The following ZNFX1 variants were observed in gnomAD, a reference collection of about 807,000 sequenced individuals.
The protein encoded by ZNFX1 is zinc finger NFX1-type containing 1, also known as NFX1-type zinc finger-containing protein 1.
Under a neutral mutation model 179.8 loss-of-function variants are expected in ZNFX1, and 78 were observed. That is an observed-to-expected ratio of 0.43 (90% CI 0.36 to 0.52). ZNFX1 has a LOEUF of 0.52. ZNFX1 is among the 20% of genes least tolerant of loss of function. The pLI is 0.00. For synonymous variants in ZNFX1, 848 were observed against 868.5 expected, an observed-to-expected ratio of 0.98 and a Z score of 0.42; for missense variants, 1,927 against 2,386.6, an observed-to-expected ratio of 0.81 and a Z score of 4.01.
In ZNFX1 at chr20:49,270,159, C is replaced by A. The variant is rs139084450; in HGVS notation, c.1653G>T (p.Met551Ile). The A allele has an allele frequency of 5.0e-6, 8 of 1,613,980 alleles. No homozygotes were observed. The highest frequency in any genetic ancestry group is 3.3e-5 in the Admixed American group (2 of 60,000). Reference protein sequence around the residue: ...SHVKEPRYLLMGGRYDFTPLI... With the variant: ...SHVKEPRYLLIGGRYDFTPLI... ...AGGGGGTAAAGTCGTATCTGCCCCC[C>A]ATTAGCAAGTACCTTGGCTCCTTCA... The change falls in exon 3 of 14, where the codon ATG becomes ATT. Residue 551 changes from methionine (M) to isoleucine (I), a missense_variant. Met to Ile is a conservative substitution (Grantham distance 10). Coordinates refer to ENST00000396105, the MANE Select transcript of ZNFX1 (RefSeq NM_021035.3). The surrounding 1 kb of genome is among the most constrained non-coding windows in gnomAD (Gnocchi z 4.6).
At position 49,264,783 on chromosome 20, in the gene ZNFX1, C is replaced by T; in HGVS notation, c.2084G>A (p.Arg695Lys). The T allele has an allele frequency of 6.2e-7, 1 of 1,614,184 alleles. No homozygotes were observed. The highest frequency in any genetic ancestry group is 8.5e-7 in the Non-Finnish European group (1 of 1,180,020). Residue 695 changes from arginine (R) to lysine (K), a missense_variant, in exon 5 of 14, where the codon AGG becomes AAG. Transcript: ENST00000396105. ...NSEILKQFTLRELRNKREFRR... is the reference protein window; with the variant it reads ...NSEILKQFTLKELRNKREFRR... ...GAATTCCCGCTTGTTCCTCAGCTCC[C>T]TTAGGGTGAACTGCTTCAGGATTTC...
intron 2 of ZNFX1, among the ~76,000 whole-genome samples, chr20:49,273,422 G>A (rs1005890634): frequency 6.6e-6 from 1 of 151,920 alleles, no homozygotes; most frequent in Non-Finnish European, 1.5e-5. Context: ...GTCAGCCACC[G>A]TGCCCAGCCG....
At chr20:49,258,133 T>G (rs528099686) in intron 7 of ZNFX1, among the ~76,000 whole-genome samples, 10 of 149,798 alleles carry the variant, frequency 6.7e-5, no homozygotes, top group Non-Finnish European at 1.2e-4. Context: ...GTTTCACTCG[T>G]TGCCCAGGCT....
intron 1 of ZNFX1, among the ~76,000 whole-genome samples, chr20:49,277,094 G>GT (rs200297511): frequency 8.6e-5 from 13 of 150,968 alleles, no homozygotes; most frequent in East Asian, 3.9e-4. Flanking sequence ...AGACTGAAGT[G>GT]TTTTTTTTTG....
chr20:49,273,125 ATTTTATT>A (rs1251960283), intron 2 of ZNFX1, among the ~76,000 whole-genome samples: 71 of 152,156 alleles, frequency 4.7e-4, no homozygotes, highest in East Asian at 3.1e-3. Flanking sequence ...TTTGTAGAGA[ATTTTATT>A]TTTTATTTTT....
At chr20:49,276,028 G>A (rs1981548087) in intron 1 of ZNFX1, 141 bp from the exon 2 acceptor site, 4 of 577,506 alleles carry the variant, frequency 6.9e-6, no homozygotes, top group Non-Finnish European at 1.2e-5. Context: ...TTAATCTAGA[G>A]CACAAGTGCT....
intron 3 of ZNFX1, among the ~76,000 whole-genome samples, chr20:49,266,500 C>T (rs238179): frequency 0.68 from 104,036 of 151,934 alleles, 36,561 homozygotes; most frequent in Non-Finnish European, 0.78. Flanking sequence ...AGTATATCCA[C>T]GCATATACAA....
chr20:49,275,836 C>T lies in ZNFX1; in HGVS notation c.4G>A (p.Glu2Lys). 6.2e-7 allele frequency: 1 copy of T among 1,614,168 alleles called. No individual in the cohort carries two copies. The highest frequency in any genetic ancestry group is 8.5e-7 in the Non-Finnish European group (1 of 1,180,002). M[E>K]ERRPHLDARP... The stretch of plus-strand genomic sequence containing the variant: ...GCATCCAGATGAGGTCTTCTCTCCT[C>T]CATGTCTGAGTCACCTGAATTCCTT... Residue 2 changes from glutamate to lysine, a missense_variant, in exon 2 of 14, where the codon GAG becomes AAG. Glu to Lys is a moderately conservative substitution (Grantham distance 56, BLOSUM62 1). Transcript: ENST00000396105.
chr20:49,257,740 T>C (rs1981006722), intron 7 of ZNFX1, 76 bp from the exon 8 acceptor site: 28 of 1,477,078 alleles, frequency 1.9e-5, no homozygotes, highest in Non-Finnish European at 2.5e-5. Flanking sequence ...CTCGCTCTTT[T>C]GCCCAGGGTG....
chr20:49,248,191 T>C lies in ZNFX1; in HGVS notation c.4833A>G (p.Glu1611=). 2.5e-6 allele frequency: 4 copies of C among 1,614,198 alleles called. No individual in the cohort carries two copies. The Middle Eastern group carries it at 4.9e-4, about 200-fold the overall frequency. The part of the protein sequence containing the change: ...DRYMNEQKDD[E]VAIRLKVCPI... ...GGCAGACTTTCAATCTGATGGCGAC[T>C]TCATCATCCTTCTGTTCATTCATGT... Residue 1611 remains glutamate, a synonymous_variant, in exon 14 of 14, where the codon GAA becomes GAG. Coordinates refer to ENST00000396105, the MANE Select transcript of ZNFX1 (RefSeq NM_021035.3). This position sits in a 1 kb window ranked among gnomAD's most constrained non-coding sequence, Gnocchi z 4.6.
intron 13 of ZNFX1, among the ~76,000 whole-genome samples, chr20:49,250,692 C>T (rs1454647649): frequency 6.6e-6 from 1 of 152,238 alleles, no homozygotes; most frequent in East Asian, 1.9e-4. Flanking sequence ...GCTGGGATTA[C>T]AGGCGCCCAC....
intron 2 of ZNFX1, among the ~76,000 whole-genome samples, chr20:49,273,619 G>GT (rs1456203254): frequency 2.6e-5 from 4 of 151,970 alleles, no homozygotes; most frequent in Non-Finnish European, 5.9e-5. Context: ...ATGGAAAATC[G>GT]TATCATTTCT....
rs767570472 is a variant in ZNFX1 at position 49,260,585 on chromosome 20, A to G, written c.2302-8T>C. 2 of 1,579,288 alleles carry G rather than the reference A, an allele frequency of 1.3e-6. No individual in the cohort carries two copies. Among genetic ancestry groups the G allele is most frequent in the Non-Finnish European group, 8.6e-7 (1 of 1,156,282 alleles). ...GCAAATCCATTCACTATCCTAAGGA[A>G]AGAAGAATGATCATTTGTGAGGATT... On this transcript the variant is annotated splice_region_variant and splice_polypyrimidine_tract_variant and intron_variant, in intron 6 of 13. Coordinates refer to ENST00000396105, the MANE Select transcript of ZNFX1 (RefSeq NM_021035.3).
At chr20:49,267,047 C>T (rs1488917046) in intron 3 of ZNFX1, among the ~76,000 whole-genome samples, 2 of 152,042 alleles carry the variant, frequency 1.3e-5, no homozygotes, top group Non-Finnish European at 2.9e-5. Context: ...CAGGCGCATG[C>T]CACCATGCCC....
Position 49,271,427 on chromosome 20 carries a change from T to C in ZNFX1, c.385A>G (p.Thr129Ala). The C allele has an allele frequency of 6.2e-7, 1 of 1,613,946 alleles. No homozygotes were observed. Among genetic ancestry groups the C allele is most frequent in the Non-Finnish European group, 8.5e-7 (1 of 1,180,004 alleles). The change falls in exon 3 of 14, where the codon ACT (threonine) becomes GCT (alanine). Residue 129 changes from threonine (T) to alanine (A), a missense_variant. Transcript: ENST00000396105. ...WSNDNFQQWRTPHQKPTEQPQ... is the reference protein window; with the variant it reads ...WSNDNFQQWRAPHQKPTEQPQ... The stretch of plus-strand genomic sequence containing the variant: ...TGTTCTGTAGGCTTCTGGTGGGGAG[T>C]CCGCCACTGCTGGAAGTTGTCATTG...
intron 2 of ZNFX1, 105 bp downstream of exon 2, chr20:49,275,674 G>A (rs1052786488): frequency 1.9e-5 from 21 of 1,086,116 alleles, no homozygotes; most frequent in Non-Finnish European, 2.5e-5. Flanking sequence ...TTCTTTACTT[G>A]AGAGATGCAG....
At chr20:49,266,927 G>A (rs1035384647) in intron 3 of ZNFX1, among the ~76,000 whole-genome samples, 8 of 151,906 alleles carry the variant, frequency 5.3e-5, no homozygotes, top group Admixed American at 2.0e-4. Context: ...ATGGAGTTTC[G>A]CTCTTGTTGC....
Position 49,248,005 on chromosome 20 carries a change from G to A in ZNFX1, c.5019C>T (p.Leu1673=). 1 of 1,614,134 alleles carries A rather than the reference G, an allele frequency of 6.2e-7. No individual in the cohort carries two copies. Among genetic ancestry groups the A allele is most frequent in the South Asian group, 1.1e-5 (1 of 91,070 alleles). Residue 1673 remains leucine (L), a synonymous_variant, in exon 14 of 14, where the codon CTC becomes CTT. Coordinates refer to ENST00000396105, the MANE Select transcript of ZNFX1 (RefSeq NM_021035.3). This position sits in a 1 kb window ranked among gnomAD's most constrained non-coding sequence, Gnocchi z 4.6. ...RLKALLERKS[L]LHQLLPEDFL... is the part of the protein sequence containing the mutation. Reference sequence around the variant, plus strand: ...AGTCTTCAGGAAGCAGCTGGTGGAGGAGGCTCTTCCTCTCCAGCAGGGCCT... The same window carrying A: ...AGTCTTCAGGAAGCAGCTGGTGGAGAAGGCTCTTCCTCTCCAGCAGGGCCT...
In ZNFX1 at chr20:49,251,530, A is replaced by G; in HGVS notation, c.3309T>C (p.Ile1103=). The change falls in exon 13 of 14, where the codon ATT becomes ATC. Residue 1103 remains isoleucine, a synonymous_variant. Transcript: ENST00000396105. ...AGATCGGGTAAGACAGACTCACCTT[A>G]ATCTTCTCATACTTAAGAACAGATG... ...NHPSVLKYEK[I]KGVSSNLFFV... is the part of the protein sequence containing the mutation. 6.2e-7 allele frequency: 1 copy of G among 1,611,222 alleles called. No individual in the cohort carries two copies. The highest frequency in any genetic ancestry group is 8.5e-7 in the Non-Finnish European group (1 of 1,178,332).
Sources: gnomAD v4.1 joint callset for allele counts (sites outside exome capture counted in the v4.1 genomes callset) on GRCh38, gnomAD v4.1.1 for gene constraint, Gnocchi (gnomAD v3.1) non-coding constraint, MANE v1.5 for transcripts, NCBI Gene and HGNC (gene_info 2026-07-23, HGNC 2026-07-21) for gene names.